The following LNX2 variants were observed in gnomAD, a reference collection of about 807,000 sequenced individuals.
LNX2 encodes the protein ligand of Numb protein X 2.
LNX2 carries 35 observed loss-of-function variants against 66.2 expected under a neutral mutation model. The observed-to-expected ratio is 0.53, with a 90% confidence interval of 0.40 to 0.70. The LOEUF is 0.70. Among genes scored for constraint, LNX2 ranks in the 30% least tolerant of loss-of-function variants. The probability of loss-of-function intolerance (pLI) is 0.00; values close to 1 mark genes in which losing one functional copy is unlikely to be tolerated. For synonymous variants in LNX2, 337 were observed against 315.6 expected (o/e 1.07, Z -0.72); for missense variants, 791 against 850.8 (o/e 0.93, Z 0.87).
intron 1 of LNX2, among the ~76,000 whole-genome samples, chr13:27,583,211 T>TGCGCGCGC (rs1555268472): frequency 0.014 from 353 of 24,356 alleles, 62 homozygotes; most frequent in East Asian, 0.074. Context: ...TGTGTGTGTG[T>TGCGCGCGC]GTGTGTGTGT....
upstream of LNX2, chr13:27,620,833 T>C (rs1283805053): frequency 6.5e-6 from 1 of 152,954 alleles, no homozygotes; most frequent in East Asian, 1.9e-4. Context: ...TGGCTAGGTG[T>C]CTGCGCGCAC....
In LNX2 at chr13:27,583,028, C is replaced by T. The variant is rs1425462844; in HGVS notation, c.-100-1225G>A. On this transcript the variant is annotated intron_variant, in intron 1 of 9. Coordinates refer to ENST00000316334, the MANE Select transcript of LNX2 (RefSeq NM_153371.4). ...GCGTATATAAATAACAGCGCAAATG[C>T]TGCAAAGTACAATACTATTTTATTC... is the stretch of plus-strand genomic sequence containing the variant. Among the ~76,000 whole-genome samples, 3 of 152,098 alleles carry T rather than the reference C, an allele frequency of 2.0e-5. No individual in the cohort carries two copies. The East Asian group carries it at 5.8e-4, about 29-fold the overall frequency.
At chr13:27,619,255 C>A in intron 1 of LNX2, among the ~76,000 whole-genome samples, 1 of 133,760 alleles carries the variant, frequency 7.5e-6, no homozygotes, top group Non-Finnish European at 1.7e-5. Context: ...CATGGCTCAA[C>A]AAAGCTTTGA....
intron 9 of LNX2, 56 bp downstream of exon 9, chr13:27,550,277 A>C: frequency 6.6e-7 from 1 of 1,508,136 alleles, no homozygotes; most frequent in Non-Finnish European, 9.1e-7. Context: ...CCCCTGGTCT[A>C]GATCATGTCC....
At chr13:27,561,055 AG>A (rs1334945282) in intron 5 of LNX2, among the ~76,000 whole-genome samples, 2 of 152,236 alleles carry the variant, frequency 1.3e-5, no homozygotes, top group Non-Finnish European at 2.9e-5. Flanking sequence ...AAAAAGAAAC[AG>A]AGCAACTTTA....
chr13:27,616,187 T>TGTTG (rs1955824340), intron 1 of LNX2, among the ~76,000 whole-genome samples: 1 of 90,832 alleles, frequency 1.1e-5, no homozygotes, highest in African/African-American at 3.8e-5. Context: ...GGTGGGGGGT[T>TGTTG]GGGGGGGGTA....
At chr13:27,585,467 A>T (rs1015982110) in intron 1 of LNX2, among the ~76,000 whole-genome samples, 4 of 150,206 alleles carry the variant, frequency 2.7e-5, no homozygotes, top group Admixed American at 6.6e-5. Flanking sequence ...TAAAAATAAT[A>T]AAAAAAAATA....
chr13:27,606,239 T>C (rs1383364318), intron 1 of LNX2, among the ~76,000 whole-genome samples: 1 of 152,226 alleles, frequency 6.6e-6, no homozygotes, highest in Non-Finnish European at 1.5e-5. Context: ...TTTTATTTCA[T>C]GGTTGTGCTA....
intron 8 of LNX2, among the ~76,000 whole-genome samples, chr13:27,551,913 A>G (rs1955012671): frequency 6.6e-6 from 1 of 152,194 alleles, no homozygotes; most frequent in Non-Finnish European, 1.5e-5. Context: ...GAGCTGCTAC[A>G]CTATGCCGTG....
intron 1 of LNX2, among the ~76,000 whole-genome samples, chr13:27,613,759 C>A (rs1033142210): frequency 6.6e-6 from 1 of 151,858 alleles, no homozygotes; most frequent in Admixed American, 6.6e-5. Context: ...CAGAGCGAGA[C>A]GCAGTCTCAA....
chr13:27,589,874 A>T (rs1221801384), intron 1 of LNX2, among the ~76,000 whole-genome samples: 2 of 151,936 alleles, frequency 1.3e-5, no homozygotes, highest in Non-Finnish European at 2.9e-5. Flanking sequence ...TTGCTCCAAC[A>T]AGAAAGACTT....
chr13:27,592,194 C>G (rs1488973151), intron 1 of LNX2, among the ~76,000 whole-genome samples: 1 of 152,082 alleles, frequency 6.6e-6, no homozygotes, highest in African/African-American at 2.4e-5. Flanking sequence ...AAGGCAGAAG[C>G]AATTAAAAGC....
intron 5 of LNX2, among the ~76,000 whole-genome samples, 168 bp downstream of exon 5, chr13:27,562,245 C>T (rs1337117897): frequency 6.6e-6 from 1 of 152,154 alleles, no homozygotes; most frequent in Non-Finnish European, 1.5e-5. Flanking sequence ...AGACTATCTC[C>T]AATGAAGTTA....
At chr13:27,578,984 T>C (rs997466515) in intron 2 of LNX2, among the ~76,000 whole-genome samples, 18 of 152,208 alleles carry the variant, frequency 1.2e-4, no homozygotes, top group African/African-American at 4.3e-4. Flanking sequence ...AACAATTTAA[T>C]TGGACTAACA....
chr13:27,605,375 T>C (rs774790292), intron 1 of LNX2, among the ~76,000 whole-genome samples: 2 of 152,204 alleles, frequency 1.3e-5, no homozygotes, highest in African/African-American at 2.4e-5. Flanking sequence ...GAGTTTCTAT[T>C]GAAAAATCAT....
chr13:27,581,429 T>A lies in LNX2; in HGVS notation c.275A>T (p.His92Leu), dbSNP rs766779653. Residue 92 changes from histidine to leucine, a missense_variant, in exon 2 of 10, where the codon CAT (histidine) becomes CTT (leucine). His to Leu is a moderately conservative substitution (Grantham distance 99). Coordinates refer to ENST00000316334, the MANE Select transcript of LNX2 (RefSeq NM_153371.4). ...ACTAGACTTCTTGCACAACTTAAAA[T>A]GAAGTCTTTTCCGGTCCAACGGACA... The part of the protein sequence containing the change: ...DFCPLDRKRL[H>L]FKLCKKSSIL... 1.2e-6 allele frequency: 2 copies of A among 1,609,554 alleles called. No homozygotes were observed. The highest frequency in any genetic ancestry group is 1.7e-6 in the Non-Finnish European group (2 of 1,176,692).
At chr13:27,575,324 TTA>T (rs1266364720) in intron 2 of LNX2, among the ~76,000 whole-genome samples, 1 of 152,168 alleles carries the variant, frequency 6.6e-6, no homozygotes, top group Non-Finnish European at 1.5e-5. Context: ...ATGGTTAATT[TTA>T]TGTGTCAACT....
intron 1 of LNX2, among the ~76,000 whole-genome samples, chr13:27,598,519 G>C (rs1399137494): frequency 6.6e-6 from 1 of 152,114 alleles, no homozygotes; most frequent in Non-Finnish European, 1.5e-5. Context: ...CATTTATTTA[G>C]AACTTACTTT....
chr13:27,565,585 A>G (rs1313177160), intron 4 of LNX2, among the ~76,000 whole-genome samples: 1 of 152,188 alleles, frequency 6.6e-6, no homozygotes, highest in Non-Finnish European at 1.5e-5. Context: ...CTAAAGTACT[A>G]ATATCATAAA....
Sources: gnomAD v4.1 joint callset for allele counts (sites outside exome capture counted in the v4.1 genomes callset) on GRCh38, gnomAD v4.1.1 for gene constraint, MANE v1.5 for transcripts, NCBI Gene and HGNC (gene_info 2026-07-23, HGNC 2026-07-21) for gene names.